SYNDIG1: variants seen among roughly 807,000 people sequenced by gnomAD.
SYNDIG1 encodes the protein synapse differentiation inducing 1.
In SYNDIG1, 9 loss-of-function variants were observed where a neutral mutation model predicts 19.4. The ratio of observed to expected loss-of-function variants is 0.46; its 90% CI spans 0.28 to 0.81. The LOEUF (loss-of-function observed/expected upper bound fraction) is 0.81. Ranked by LOEUF, SYNDIG1 falls within the 30% of genes least tolerant of loss-of-function variation. SYNDIG1 has a pLI of 0.12. For missense variants in SYNDIG1, 311 were observed against 343.3 expected (o/e 0.91, Z 0.74); for synonymous variants, 141 against 145.9 (o/e 0.97, Z 0.24).
At chr20:24,627,309 G>C (rs562908194) in intron 3 of SYNDIG1, among the ~76,000 whole-genome samples, 13 of 152,324 alleles carry the variant, frequency 8.5e-5, no homozygotes, top group African/African-American at 3.1e-4. Context: ...CACTGGAGGA[G>C]CAAGGGATAA....
At chr20:24,555,336 C>A (rs1274297042) in intron 2 of SYNDIG1, among the ~76,000 whole-genome samples, 1 of 151,984 alleles carries the variant, frequency 6.6e-6, no homozygotes. Flanking sequence ...TTATTTCTTG[C>A]CTTCTGCTAG....
At chr20:24,574,250 G>C (rs2058191480) in intron 2 of SYNDIG1, among the ~76,000 whole-genome samples, 1 of 151,866 alleles carries the variant, frequency 6.6e-6, no homozygotes, top group Admixed American at 6.6e-5. Context: ...GGCCAAGGTG[G>C]GCAGATTGCC....
At chr20:24,534,996 G>A (rs1275707700) in intron 1 of SYNDIG1, among the ~76,000 whole-genome samples, 1 of 152,194 alleles carries the variant, frequency 6.6e-6, no homozygotes, top group Non-Finnish European at 1.5e-5. Flanking sequence ...ACCACTGGAT[G>A]GTTTTCACTT....
chr20:24,636,970 C>G (rs912270113), intron 3 of SYNDIG1, among the ~76,000 whole-genome samples: 1 of 152,242 alleles, frequency 6.6e-6, no homozygotes, highest in African/African-American at 2.4e-5. Flanking sequence ...CAATTGAGGC[C>G]TTGCATACCA....
At chr20:24,531,292 G>A (rs573196788) in intron 1 of SYNDIG1, among the ~76,000 whole-genome samples, 200 of 152,232 alleles carry the variant, frequency 1.3e-3, no homozygotes, top group African/African-American at 4.3e-3. Context: ...ATGTTGTGAA[G>A]TTCCTTCCAC....
At chr20:24,582,366 TG>T (rs562823412) in intron 2 of SYNDIG1, among the ~76,000 whole-genome samples, 77 of 97,298 alleles carry the variant, frequency 7.9e-4, no homozygotes, top group African/African-American at 3.1e-3. Flanking sequence ...GCCTTCCCCT[TG>T]CATGGCCTCC....
At position 24,497,814 on chromosome 20, in the gene SYNDIG1, G is replaced by A. The variant is rs140499878; in HGVS notation, c.-79+28061G>A. ...GCAGAGCTTAGCTTATGGCCCCAGA[G>A]TGTATTTGAAGATCATGCACTATTC... On this transcript the variant is annotated intron_variant, in intron 1 of 3. Transcript: ENST00000376862. 1.0e-3 allele frequency among the ~76,000 whole-genome samples: 159 copies of A among 152,342 alleles called. 2 individuals are homozygous for A. The highest frequency in any genetic ancestry group is 3.6e-3 in the African/African-American group (149 of 41,572).
At chr20:24,472,978 TC>T (rs1438752424) in intron 1 of SYNDIG1, among the ~76,000 whole-genome samples, 4 of 152,218 alleles carry the variant, frequency 2.6e-5, no homozygotes, top group African/African-American at 9.6e-5. Flanking sequence ...TAAAACCTTG[TC>T]TTTTCATGAC....
At chr20:24,578,988 G>A (rs1040561177) in intron 2 of SYNDIG1, among the ~76,000 whole-genome samples, 5 of 152,206 alleles carry the variant, frequency 3.3e-5, no homozygotes, top group African/African-American at 4.8e-5. Context: ...GGCTTGAGCC[G>A]AGCCACCCGT....
chr20:24,518,543 G>T (rs1479694153), intron 1 of SYNDIG1, among the ~76,000 whole-genome samples: 2 of 152,138 alleles, frequency 1.3e-5, no homozygotes, highest in Admixed American at 1.3e-4. Flanking sequence ...TTGTCTGGGG[G>T]TTCAGCTAAT....
chr20:24,631,142 A>G (rs368259984), intron 3 of SYNDIG1, among the ~76,000 whole-genome samples: 62 of 152,380 alleles, frequency 4.1e-4, no homozygotes, highest in African/African-American at 1.4e-3. Context: ...TACAAGGGAA[A>G]CCATGGAAAT....
At chr20:24,489,138 G>A (rs982168378) in intron 1 of SYNDIG1, among the ~76,000 whole-genome samples, 1 of 152,114 alleles carries the variant, frequency 6.6e-6, no homozygotes, top group African/African-American at 2.4e-5. Context: ...CCATCTGTAC[G>A]CATGCACACA....
intron 2 of SYNDIG1, among the ~76,000 whole-genome samples, chr20:24,574,421 G>A (rs2058194559): frequency 6.6e-6 from 1 of 152,170 alleles, no homozygotes; most frequent in Admixed American, 6.5e-5. Flanking sequence ...CCTGGGAGGT[G>A]GAGGTTGCAG....
intron 2 of SYNDIG1, among the ~76,000 whole-genome samples, chr20:24,546,575 G>A (rs565766266): frequency 1.2e-4 from 18 of 152,294 alleles, no homozygotes; most frequent in South Asian, 4.1e-4. Context: ...TTCATTTTGC[G>A]GCAGCCAGAG....
chr20:24,573,834 C>A (rs2058183298), intron 2 of SYNDIG1, among the ~76,000 whole-genome samples: 2 of 152,188 alleles, frequency 1.3e-5, no homozygotes, highest in Non-Finnish European at 2.9e-5. Context: ...TATCCAGCAA[C>A]CCCCAGTTCC....
chr20:24,661,440 A>AGGAGGAAGGAG (rs2059590906), intron 3 of SYNDIG1, among the ~76,000 whole-genome samples: 1 of 6,656 alleles, frequency 1.5e-4, no homozygotes, highest in Non-Finnish European at 2.6e-4. Flanking sequence ...GGAGGAAGGA[A>AGGAGGAAGGAG]GGAGGAAAGA....
rs1177685359 is a variant in SYNDIG1, at chr20:24,550,939, A to G, written c.480+7362A>G. ...TCCTTGGATAAGGATTTCTGTGCCT[A>G]TATTCATGAGGGATGTTGATCTGCA... On this transcript the variant is annotated intron_variant, in intron 2 of 3. Coordinates refer to ENST00000376862, the MANE Select transcript of SYNDIG1 (RefSeq NM_024893.3). Among the ~76,000 whole-genome samples, 4 of 152,100 alleles carry G rather than the reference A, an allele frequency of 2.6e-5. No homozygotes were observed. The East Asian group carries it at 7.7e-4, about 29-fold the overall frequency.
chr20:24,614,036 C>G (rs1421184875), intron 3 of SYNDIG1, among the ~76,000 whole-genome samples: 1 of 152,124 alleles, frequency 6.6e-6, no homozygotes, highest in Admixed American at 6.5e-5. Context: ...TCTCTGTTGC[C>G]CAGGTTGGAG....
intron 3 of SYNDIG1, among the ~76,000 whole-genome samples, chr20:24,645,861 C>T (rs572374641): frequency 6.6e-6 from 1 of 152,334 alleles, no homozygotes; most frequent in South Asian, 2.1e-4. Flanking sequence ...TCTCTCCTCC[C>T]TAACACAGTG....
Sources: allele counts gnomAD v4.1 joint callset (sites outside exome capture counted in the v4.1 genomes callset), GRCh38; gene constraint gnomAD v4.1.1; transcripts MANE v1.5; gene names NCBI Gene and HGNC (gene_info 2026-07-23, HGNC 2026-07-21).